AGRN: variants seen among roughly 807,000 people sequenced by gnomAD.
The protein encoded by AGRN is agrin, also known as agrin proteoglycan.
AGRN carries 106 observed loss-of-function variants against 211.0 expected under a neutral mutation model. The ratio of observed to expected loss-of-function variants is 0.50; its 90% CI spans 0.43 to 0.59. The LOEUF is 0.59. Among genes scored for constraint, AGRN ranks in the 20% least tolerant of loss-of-function variants. The pLI, the probability that AGRN is intolerant of heterozygous loss-of-function variation, is 0.00. For synonymous variants in AGRN, 1,525 were observed against 1,332.5 expected (o/e 1.14, Z -3.15); for missense variants, 3,040 against 2,982.6 (o/e 1.02, Z -0.45).
Position 1,046,483 on chromosome 1 carries a change from C to A in AGRN, c.2998C>A (p.Pro1000Thr), listed in dbSNP as rs894300353. ...GLLLSQALPAPPGALPLAPSS... is the reference protein window; with the variant it reads ...GLLLSQALPATPGALPLAPSS... ...CCTCCTGAGCCAGGCACTGCCGGCC[C>A]CCCCCGGCGCCCTCCCCCTGGCTCC... The change falls in exon 18 of 36, where the codon CCC becomes ACC. Residue 1000 changes from proline to threonine, a missense_variant. Pro to Thr is a conservative substitution (Grantham distance 38, BLOSUM62 -1). This residue lies in a region of AGRN where 1,537 missense variants were observed against 1,505.0 expected (regional missense o/e 1.02). Coordinates refer to ENST00000379370, the MANE Select transcript of AGRN (RefSeq NM_198576.4). 1.2e-6 allele frequency: 2 copies of A among 1,610,654 alleles called. No individual in the cohort carries two copies. The highest frequency in any genetic ancestry group is 1.7e-6 in the Non-Finnish European group (2 of 1,178,642).
rs1455286726 is a variant in AGRN at position 1,041,651 on chromosome 1, G to A, written c.1126G>A (p.Ala376Thr). 6.2e-6 allele frequency: 10 copies of A among 1,610,954 alleles called. No homozygotes were observed. Among genetic ancestry groups the A allele is most frequent in the Non-Finnish European group, 8.5e-6 (10 of 1,179,100 alleles). The change falls in exon 6 of 36, where the codon GCC (alanine) becomes ACC (threonine). Residue 376 changes from alanine to threonine, a missense_variant. This residue lies in a region of AGRN where 1,498 missense variants were observed against 1,457.8 expected (regional missense o/e 1.03). Coordinates refer to ENST00000379370, the MANE Select transcript of AGRN (RefSeq NM_198576.4). ...NDCVMGRSGA[A>T]RGLLLQKVRS... ...CTGTGTCATGGGCCGATCGGGGGCC[G>A]CCCGGGGTCTCCTCCTGCAGAAAGT...
At chr1:1,024,745 A>G (rs901289546) in intron 2 of AGRN, among the ~76,000 whole-genome samples, 1 of 150,636 alleles carries the variant, frequency 6.6e-6, no homozygotes, top group South Asian at 2.1e-4. Context: ...CTGCCCAGCC[A>G]AGGCCCCTCC....
chr1:1,035,047 G>C (rs1644768241), intron 2 of AGRN: 3 of 618,938 alleles, frequency 4.8e-6, no homozygotes, highest in Admixed American at 2.7e-5. Context: ...ATCTGACAGG[G>C]GTCAGGCCAT....
chr1:1,036,754 C>T (rs3121575), intron 3 of AGRN, among the ~76,000 whole-genome samples: 130,873 of 151,776 alleles, frequency 0.86, 57,046 homozygotes, highest in East Asian at 1. Flanking sequence ...ATCCCAAAGG[C>T]TCCTCAGAGC....
Position 1,022,471 on chromosome 1 carries a change from T to TG in AGRN, c.463+15dup. 1 of 1,600,036 alleles carries TG rather than the reference T, an allele frequency of 6.2e-7. No individual in the cohort carries two copies. On this transcript the variant is annotated intron_variant, in intron 2 of 35. Coordinates refer to ENST00000379370, the MANE Select transcript of AGRN (RefSeq NM_198576.4). ...GGAGTTCTGTGTGGAAGGTGCGTGG[T>TG]GGGGGGCTCGTGTGGGGGCCTGTGG...
chr1:1,042,767 A>AG (rs370972452), intron 7 of AGRN, among the ~76,000 whole-genome samples: 2,116 of 151,750 alleles, frequency 0.014, 50 homozygotes, highest in African/African-American at 0.048. Flanking sequence ...CTGGTGCGGC[A>AG]GGGGGGGTGG....
chr1:1,049,487 G>A (rs758160606), intron 25 of AGRN, 36 bp downstream of exon 25: 33 of 1,599,236 alleles, frequency 2.1e-5, no homozygotes, highest in East Asian at 4.5e-5. Flanking sequence ...CCCCGACCCC[G>A]GCCCTTTGGG....
chr1:1,025,761 C>T (rs1460077587), intron 2 of AGRN, among the ~76,000 whole-genome samples: 4 of 151,870 alleles, frequency 2.6e-5, no homozygotes, highest in African/African-American at 9.7e-5. Context: ...CTGTCCCTCC[C>T]CACTCACCTC....
chr1:1,044,495 G>C (rs746922458), intron 12 of AGRN, 56 bp downstream of exon 12: 54 of 1,524,532 alleles, frequency 3.5e-5, no homozygotes, highest in Non-Finnish European at 4.7e-5. Flanking sequence ...CTGGGTTTCC[G>C]TGTCTGGATG....
intron 19 of AGRN, 37 bp from the exon 20 acceptor site, chr1:1,047,290 A>T: frequency 6.4e-7 from 1 of 1,565,956 alleles, no homozygotes; most frequent in Non-Finnish European, 8.6e-7. Context: ...GATGCCAGGC[A>T]GATGCCAGGC....
At position 1,053,286 on chromosome 1, in the gene AGRN, C is replaced by T. The variant is rs145379227; in HGVS notation, c.5652-467C>T. On this transcript the variant is annotated intron_variant, in intron 33 of 35. Coordinates refer to ENST00000379370, the MANE Select transcript of AGRN (RefSeq NM_198576.4). ...TCTGCACCCTCACGTGTCTCGTGTC[C>T]GCACAAGCATGTGTAGGTGTCCCTG... 451 of 456,154 alleles carry T rather than the reference C, an allele frequency of 9.9e-4. 1 individual carries two copies. Among genetic ancestry groups the T allele is most frequent in the Admixed American group, 2.0e-3 (48 of 24,168 alleles). The allele number at this position is 456,154 out of a possible 1,614,324, so 28.3% of individuals were successfully genotyped here. A position where few individuals can be genotyped will look rare whatever the true frequency, so the allele number is the denominator to read the frequency against.
At position 1,048,349 on chromosome 1, in the gene AGRN, C is replaced by T. The variant is rs1453910543; in HGVS notation, c.4089C>T (p.Gly1363=). 15 of 1,465,528 alleles carry T rather than the reference C, an allele frequency of 1.0e-5. No individual in the cohort carries two copies. Among genetic ancestry groups the T allele is most frequent in the Middle Eastern group, 1.8e-4 (1 of 5,562 alleles). The allele number at this position is 1,465,528 out of a possible 1,614,324, so 90.8% of individuals were successfully genotyped here. Residue 1363 remains glycine (G), a synonymous_variant, in exon 23 of 36, where the codon GGC becomes GGT. Transcript: ENST00000379370. This position sits in a 1 kb window ranked among gnomAD's most constrained non-coding sequence, Gnocchi z 5.9. ...FTCSCPAGRG[G]AVCEKVLGAP... ...GCAGCTGCCCGGCAGGCAGGGGAGGCGCCGTCTGTGAGAAGGGTAAGGATG... is the reference window on the plus strand; with the variant it reads ...GCAGCTGCCCGGCAGGCAGGGGAGGTGCCGTCTGTGAGAAGGGTAAGGATG...
In AGRN at chr1:1,048,195, C is replaced by A. The variant is rs764825185; in HGVS notation, c.3935C>A (p.Thr1312Asn). The A allele has an allele frequency of 3.8e-6, 6 of 1,563,788 alleles. No homozygotes were observed. In the South Asian group the frequency reaches 7.0e-5, roughly 18 times the overall value. ...GCCCCCACCACACGTCGGCCCCCCA[C>A]CACTGCCCCCAGCCGTGTGCCCGGA... ...TAAPTTRRPP[T>N]TAPSRVPGRR... The change falls in exon 23 of 36, where the codon ACC (threonine) becomes AAC (asparagine). Residue 1312 changes from threonine to asparagine, a missense_variant. By Grantham distance (65) the Thr-to-Asn change is moderately conservative. This residue lies in a region of AGRN where 1,537 missense variants were observed against 1,505.0 expected (regional missense o/e 1.02). Transcript: ENST00000379370. This position sits in a 1 kb window ranked among gnomAD's most constrained non-coding sequence, Gnocchi z 5.9.
intron 7 of AGRN, among the ~76,000 whole-genome samples, chr1:1,042,952 G>A (rs1221863990): frequency 1.3e-5 from 2 of 152,108 alleles, no homozygotes; most frequent in Non-Finnish European, 2.9e-5. Flanking sequence ...TGGGCAGGCT[G>A]GGGAAGCCTG....
intron 2 of AGRN, among the ~76,000 whole-genome samples, chr1:1,030,576 T>C (rs1644644139): frequency 3.7e-5 from 3 of 82,034 alleles, no homozygotes; most frequent in Non-Finnish European, 5.2e-5. Context: ...AGCATGTGTG[T>C]GTGCAGTGCA....
rs1224545239 is a variant in AGRN at position 1,020,206 on chromosome 1, C to T, written c.34C>T (p.Pro12Ser). The T allele has an allele frequency of 1.6e-5, 22 of 1,370,778 alleles. No homozygotes were observed. Among genetic ancestry groups the T allele is most frequent in the Non-Finnish European group, 1.9e-5 (20 of 1,065,714 alleles). The allele number at this position is 1,370,778 out of a possible 1,614,324, so 84.9% of individuals were successfully genotyped here. The change falls in exon 1 of 36, where the codon CCG (proline) becomes TCG (serine). Residue 12 changes from proline (P) to serine (S), a missense_variant. This residue lies in a region of AGRN where 1,498 missense variants were observed against 1,457.8 expected (regional missense o/e 1.03). Transcript: ENST00000379370. ...CCGGTCCCACCCGGGCCCGCTGCGG[C>T]CGCTGCTGCCGCTCCTTGTGGTGGC... ...AGRSHPGPLR[P>S]LLPLLVVAAC...
intron 3 of AGRN, among the ~76,000 whole-genome samples, chr1:1,036,611 C>T (rs113338160): frequency 0.011 from 1,679 of 152,120 alleles, 30 homozygotes; most frequent in African/African-American, 0.038. Context: ...AGCTGGGCAG[C>T]GGGAATGGGG....
rs988049760 is a variant in AGRN, at chr1:1,049,460, C to T, written c.4514+9C>T. On this transcript the variant is annotated intron_variant, in intron 25 of 35. Coordinates refer to ENST00000379370, the MANE Select transcript of AGRN (RefSeq NM_198576.4). ...GAGGACCAGGCTGCCGTGTGAGTCC[C>T]TTGGAGGGTGGTGTGGCCCCGACCC... 2 of 1,600,306 alleles carry T rather than the reference C, an allele frequency of 1.2e-6. No individual in the cohort carries two copies. The highest frequency in any genetic ancestry group is 1.7e-6 in the Non-Finnish European group (2 of 1,179,620).
Position 1,046,619 on chromosome 1 carries a change from C to T in AGRN, c.3134C>T (p.Ala1045Val), listed in dbSNP as rs1645103678. Residue 1045 changes from alanine (A) to valine (V), a missense_variant, in exon 18 of 36, where the codon GCA becomes GTA. Physicochemically the swap from Ala to Val is moderately conservative, Grantham distance 64 (BLOSUM62 0). Coordinates refer to ENST00000379370, the MANE Select transcript of AGRN (RefSeq NM_198576.4). ...CCCGTGCTGACGGTGCCCCCCACGG[C>T]ACCCTCCCCTGCACCCAGCCTGGTG... The part of the protein sequence containing the change: ...VWPVLTVPPT[A>V]PSPAPSLVAS... 7 of 1,602,916 alleles carry T rather than the reference C, an allele frequency of 4.4e-6. No individual in the cohort carries two copies. Among genetic ancestry groups the T allele is most frequent in the Non-Finnish European group, 5.9e-6 (7 of 1,179,190 alleles).
Sources: gnomAD v4.1 joint callset for allele counts (sites outside exome capture counted in the v4.1 genomes callset) on GRCh38, gnomAD v4.1.1 for gene constraint, gnomAD v4.1.1 regional missense constraint, Gnocchi (gnomAD v3.1) non-coding constraint, MANE v1.5 for transcripts, NCBI Gene and HGNC (gene_info 2026-07-23, HGNC 2026-07-21) for gene names.